Variants in PDXDC1 observed in about 807,000 individuals in gnomAD.
PDXDC1 encodes the protein pyridoxal dependent decarboxylase domain containing 1.
PDXDC1 carries 42 observed loss-of-function variants against 100.1 expected under a neutral mutation model. The ratio of observed to expected loss-of-function variants is 0.42; its 90% confidence interval spans 0.33 to 0.54. The LOEUF (loss-of-function observed/expected upper bound fraction) is 0.54, where lower values mean the gene tolerates loss of function less well. Ranked by LOEUF, PDXDC1 falls within the 20% of genes least tolerant of loss-of-function variation. The probability of loss-of-function intolerance (pLI) is 0.10; values close to 1 mark genes in which losing one functional copy is unlikely to be tolerated. For missense variants in PDXDC1, 636 were observed against 979.2 expected, an observed-to-expected ratio of 0.65 and a Z score of 4.68; for synonymous variants, 260 against 371.7, an observed-to-expected ratio of 0.70 and a Z score of 3.46.
rs558314650 is a variant in PDXDC1, at chr16:15,082,490, C to T, written c.1399+52434C>T. On this transcript the variant is annotated intron_variant, in intron 16 of 16. Transcript: ENST00000535621. ...GAGTTCAAGACCAGTCTGGCCAACGCGGCAAAATCCCATCTCTACCAAAAA... is the reference window on the plus strand; with the variant it reads ...GAGTTCAAGACCAGTCTGGCCAACGTGGCAAAATCCCATCTCTACCAAAAA... Among the ~76,000 whole-genome samples, 11 of 152,022 alleles carry T rather than the reference C, an allele frequency of 7.2e-5. No individual in the cohort carries two copies. The South Asian group carries it at 8.4e-4, about 12-fold the overall frequency.
At chr16:15,075,127 G>C (rs1351610083) in intron 16 of PDXDC1, among the ~76,000 whole-genome samples, 1 of 151,604 alleles carries the variant, frequency 6.6e-6, no homozygotes, top group Non-Finnish European at 1.5e-5. Flanking sequence ...GTGCACGCCT[G>C]TAATTCCAGT....
At chr16:15,145,092 T>C in the PDXDC1 span, among the ~76,000 whole-genome samples, 1 of 151,684 alleles carries the variant, frequency 6.6e-6, no homozygotes, top group African/African-American at 2.4e-5. Context: ...GCCCTCCTCC[T>C]CCCCCAACAC....
At chr16:14,998,234 T>G in intron 2 of PDXDC1, 106 bp from the exon 3 acceptor site, 1 of 1,055,704 alleles carries the variant, frequency 9.5e-7, no homozygotes, top group Non-Finnish European at 1.4e-6. Flanking sequence ...AAATCCTGCC[T>G]CAGTCACTGG....
intron 16 of PDXDC1, among the ~76,000 whole-genome samples, chr16:15,100,894 G>C (rs1378774480): frequency 6.6e-6 from 1 of 152,160 alleles, no homozygotes; most frequent in African/African-American, 2.4e-5. Flanking sequence ...GCTGAGACGT[G>C]AGGATCAATT....
At chr16:15,129,188 G>T (rs1330133401) in intron 16 of PDXDC1, among the ~76,000 whole-genome samples, 1 of 151,820 alleles carries the variant, frequency 6.6e-6, no homozygotes, top group Non-Finnish European at 1.5e-5. Context: ...TGGGAACACG[G>T]CCAGGTGTGG....
intron 12 of PDXDC1, among the ~76,000 whole-genome samples, chr16:15,021,957 G>A (rs1178913086): frequency 3.9e-5 from 6 of 152,292 alleles, no homozygotes. Flanking sequence ...TAGAATGTCA[G>A]TTCCACTGAT....
intron 13 of PDXDC1, chr16:15,025,966 A>AATAATT (rs1276113530): frequency 6.6e-6 from 1 of 152,364 alleles, no homozygotes; most frequent in Non-Finnish European, 1.5e-5. Flanking sequence ...TGTCTTTAAT[A>AATAATT]ATAATTAAAT....
chr16:15,014,035 T>C (rs1356368405), intron 8 of PDXDC1, among the ~76,000 whole-genome samples: 3 of 152,196 alleles, frequency 2.0e-5, no homozygotes, highest in Non-Finnish European at 4.4e-5. Context: ...GGCGAAACCC[T>C]GTCTCTACTA....
intron 16 of PDXDC1, among the ~76,000 whole-genome samples, chr16:15,089,612 AAC>A: frequency 6.6e-6 from 1 of 151,432 alleles, no homozygotes; most frequent in South Asian, 2.1e-4. Flanking sequence ...CATCCTGGCT[AAC>A]ATGGTGAAAC....
chr16:15,053,700 C>G (rs1191998253), intron 16 of PDXDC1, among the ~76,000 whole-genome samples: 1 of 152,046 alleles, frequency 6.6e-6, no homozygotes, highest in African/African-American at 2.4e-5. Context: ...CACTTGAGGT[C>G]AGGAGTTCAA....
At chr16:15,064,514 A>C (rs144680435) in intron 16 of PDXDC1, among the ~76,000 whole-genome samples, 290 of 152,294 alleles carry the variant, frequency 1.9e-3, no homozygotes, top group African/African-American at 5.0e-3. Context: ...ACAGAATGGT[A>C]TGTGGTCTCT....
downstream of PDXDC1, among the ~76,000 whole-genome samples, chr16:15,039,386 T>G (rs2043705303): frequency 6.6e-6 from 1 of 152,204 alleles, no homozygotes; most frequent in Non-Finnish European, 1.5e-5. Context: ...GAATGTGATT[T>G]CCGTTTTTTC....
chr16:15,039,925 C>T (rs764194312), downstream of PDXDC1: 8 of 1,087,744 alleles, frequency 7.4e-6, no homozygotes, highest in Admixed American at 8.8e-5. Flanking sequence ...ACATTTGATG[C>T]CTTTTTTTTT....
intron 16 of PDXDC1, among the ~76,000 whole-genome samples, chr16:15,122,248 T>G (rs1297168468): frequency 6.6e-6 from 1 of 151,264 alleles, no homozygotes; most frequent in African/African-American, 2.4e-5. Flanking sequence ...CCGTTTTGTT[T>G]GTTAGAGACA....
intron 6 of PDXDC1, among the ~76,000 whole-genome samples, chr16:15,007,257 G>C (rs369331151): frequency 3.0e-5 from 4 of 133,230 alleles, no homozygotes; most frequent in African/African-American, 1.1e-4. Flanking sequence ...TGCAAGCTCC[G>C]CCTCCCGGAT....
In PDXDC1 at chr16:15,125,930, C is replaced by A. The variant is rs998315327; in HGVS notation, c.1400-12949C>A. 20 of 642,072 alleles carry A rather than the reference C, an allele frequency of 3.1e-5. No individual in the cohort carries two copies. In the Admixed American group the frequency reaches 4.6e-4, roughly 15 times the overall value. 39.8% of individuals were successfully genotyped at this position (642,072 alleles called of 1,614,324 possible). ...CCATCTGACAGAATGTCCTAGAATG[C>A]TGGATATATGGGACATCTGCACCGT... On this transcript the variant is annotated intron_variant, in intron 16 of 16. Transcript: ENST00000535621.
In PDXDC1 at chr16:15,036,593, CTAAGTA is replaced by C; in HGVS notation, c.*321_*326del. 2.6e-6 allele frequency: 1 copy of C among 380,266 alleles called. No individual in the cohort carries two copies. Among genetic ancestry groups the C allele is most frequent in the Non-Finnish European group, 4.8e-6 (1 of 209,926 alleles). The allele number at this position is 380,266 out of a possible 1,614,324, so 23.6% of individuals were successfully genotyped here. ...ACCCTTGCTCTTTCTAAACATAAGC[CTAAGTA>C]TATGAGGTTGCCCGTGGCAACTTTT... On this transcript the variant is annotated 3_prime_UTR_variant, in exon 23 of 23. Coordinates refer to ENST00000396410, the MANE Select transcript of PDXDC1 (RefSeq NM_015027.4).
chr16:15,097,938 CTTTT>C (rs35852184), intron 16 of PDXDC1, among the ~76,000 whole-genome samples: 2 of 89,634 alleles, frequency 2.2e-5, no homozygotes, highest in South Asian at 4.3e-4. Context: ...CAACATTATG[CTTTT>C]TTTTTTTTTT....
chr16:14,979,343 G>A (rs1967424344), intron 1 of PDXDC1, among the ~76,000 whole-genome samples: 1 of 152,260 alleles, frequency 6.6e-6, no homozygotes, highest in African/African-American at 2.4e-5. Context: ...AGGCTAGAGT[G>A]CAGTGGCACA....
Sources: gnomAD v4.1 joint callset for allele counts (sites outside exome capture counted in the v4.1 genomes callset) on GRCh38, gnomAD v4.1.1 for gene constraint, MANE v1.5 for transcripts, NCBI Gene and HGNC (gene_info 2026-07-23, HGNC 2026-07-21) for gene names.